Variants in LRRTM4 observed in about 807,000 individuals in gnomAD.
The protein encoded by LRRTM4 is leucine-rich repeat transmembrane neuronal protein 4.
A neutral mutation model predicts 47.6 loss-of-function variants in LRRTM4; 25 were observed. The ratio of observed to expected loss-of-function variants is 0.53; its 90% CI spans 0.38 to 0.73. LRRTM4 has a LOEUF of 0.73. Ranked by LOEUF, LRRTM4 falls within the 30% of genes least tolerant of loss-of-function variation. The probability of loss-of-function intolerance (pLI) is 0.00; values close to 1 mark genes in which losing one functional copy is unlikely to be tolerated. For synonymous variants in LRRTM4, 311 were observed against 269.5 expected (o/e 1.15, Z -1.51); for missense variants, 638 against 713.4 (o/e 0.89, Z 1.20).
At chr2:77,437,341 T>A (rs1292445604) in intron 3 of LRRTM4, among the ~76,000 whole-genome samples, 1 of 152,050 alleles carries the variant, frequency 6.6e-6, no homozygotes, top group Non-Finnish European at 1.5e-5. Context: ...TATACAGAGA[T>A]TCAACCCTCT....
At chr2:76,783,735 A>T (rs1198809820) in intron 3 of LRRTM4, among the ~76,000 whole-genome samples, 3 of 152,196 alleles carry the variant, frequency 2.0e-5, no homozygotes, top group African/African-American at 7.2e-5. Context: ...TATTTCCCGT[A>T]CAAACCTTTT....
chr2:77,296,607 T>G (rs187661297), intron 3 of LRRTM4, among the ~76,000 whole-genome samples: 1 of 152,340 alleles, frequency 6.6e-6, no homozygotes, highest in Non-Finnish European at 1.5e-5. Flanking sequence ...AAGGCATACA[T>G]TTATTTGGGA....
At chr2:77,128,565 A>T (rs936709045) in intron 3 of LRRTM4, among the ~76,000 whole-genome samples, 1 of 152,158 alleles carries the variant, frequency 6.6e-6, no homozygotes, top group Non-Finnish European at 1.5e-5. Flanking sequence ...AAACTATACA[A>T]AATCTTTCCA....
At position 77,352,181 on chromosome 2, in the gene LRRTM4, C is replaced by G. The variant is rs145977344; in HGVS notation, c.1551+166137G>C. 2.4e-3 allele frequency among the ~76,000 whole-genome samples: 372 copies of G among 152,178 alleles called. 2 individuals carry two copies. Among genetic ancestry groups the G allele is most frequent in the Non-Finnish European group, 2.7e-3 (185 of 67,976 alleles). ...GCTGTTCTCGCCTTTTGATGCCGAG[C>G]CTAACCTTCCATTTTATTGAATAAG... is the stretch of plus-strand genomic sequence containing the variant. On this transcript the variant is annotated intron_variant, in intron 3 of 3. Transcript: ENST00000409884.
intron 3 of LRRTM4, among the ~76,000 whole-genome samples, chr2:77,214,654 A>C (rs1674387128): frequency 6.6e-6 from 1 of 152,094 alleles, no homozygotes; most frequent in Non-Finnish European, 1.5e-5. Flanking sequence ...CTTAAGTACA[A>C]TAGGAAGAAG....
At chr2:77,268,509 A>C (rs1676111216) in intron 3 of LRRTM4, among the ~76,000 whole-genome samples, 1 of 152,088 alleles carries the variant, frequency 6.6e-6, no homozygotes, top group Non-Finnish European at 1.5e-5. Flanking sequence ...GAAGTCTTCT[A>C]ACTGCTTTTC....
chr2:76,911,724 T>A (rs1370613280), intron 3 of LRRTM4, among the ~76,000 whole-genome samples: 1 of 149,398 alleles, frequency 6.7e-6, no homozygotes, highest in African/African-American at 2.6e-5. Flanking sequence ...GGTAGAAATG[T>A]CAGTAGAAAT....
At chr2:77,406,156 G>A (rs1446313444) in intron 3 of LRRTM4, among the ~76,000 whole-genome samples, 1 of 151,992 alleles carries the variant, frequency 6.6e-6, no homozygotes, top group East Asian at 1.9e-4. Flanking sequence ...GGGGAGGAGA[G>A]TGGCAGATGA....
At chr2:77,462,956 AAAG>A (rs528746536) in intron 3 of LRRTM4, among the ~76,000 whole-genome samples, 92 of 152,090 alleles carry the variant, frequency 6.0e-4, no homozygotes, top group Non-Finnish European at 1.1e-3. Context: ...AGAAATGACT[AAAG>A]AGCCAGGGAG....
intron 3 of LRRTM4, among the ~76,000 whole-genome samples, chr2:76,804,078 C>T (rs774886783): frequency 6.6e-6 from 1 of 152,076 alleles, no homozygotes; most frequent in Non-Finnish European, 1.5e-5. Flanking sequence ...AAAGTTACTC[C>T]GAGTGCTGTT....
chr2:77,010,281 C>T (rs1677820019), intron 3 of LRRTM4, among the ~76,000 whole-genome samples: 1 of 151,558 alleles, frequency 6.6e-6, no homozygotes, highest in African/African-American at 2.4e-5. Context: ...GATTAATATC[C>T]TCCCATTCCT....
intron 3 of LRRTM4, among the ~76,000 whole-genome samples, chr2:76,943,919 T>G (rs987208420): frequency 6.6e-6 from 1 of 152,192 alleles, no homozygotes; most frequent in Non-Finnish European, 1.5e-5. Flanking sequence ...CTTTTCATAC[T>G]TGGGGCCATT....
At chr2:76,982,414 G>A (rs1238014292) in intron 3 of LRRTM4, among the ~76,000 whole-genome samples, 2 of 152,018 alleles carry the variant, frequency 1.3e-5, no homozygotes, top group Admixed American at 1.3e-4. Flanking sequence ...CTTTGCTCAT[G>A]AAGTAAATGG....
At chr2:76,800,856 C>T (rs924987989) in intron 3 of LRRTM4, among the ~76,000 whole-genome samples, 2 of 150,708 alleles carry the variant, frequency 1.3e-5, no homozygotes, top group African/African-American at 2.4e-5. Flanking sequence ...TGAAAAAATG[C>T]TCATCATCAC....
At chr2:77,188,445 C>T (rs1240460342) in intron 3 of LRRTM4, among the ~76,000 whole-genome samples, 1 of 152,100 alleles carries the variant, frequency 6.6e-6, no homozygotes, top group Non-Finnish European at 1.5e-5. Context: ...ATTGTTTTCC[C>T]TCCTAAATAT....
chr2:77,348,813 ACTC>A (rs1436847618), intron 3 of LRRTM4, among the ~76,000 whole-genome samples: 1 of 151,248 alleles, frequency 6.6e-6, no homozygotes, highest in African/African-American at 2.4e-5. Flanking sequence ...TTCAAGCAGA[ACTC>A]ATTATTACAT....
chr2:77,399,702 A>AT (rs1673864998), intron 3 of LRRTM4, among the ~76,000 whole-genome samples: 1 of 151,936 alleles, frequency 6.6e-6, no homozygotes. Flanking sequence ...ATCAGGAGGA[A>AT]TCAAACACCT....
At chr2:76,868,587 G>C (rs1457976789) in intron 3 of LRRTM4, among the ~76,000 whole-genome samples, 2 of 152,144 alleles carry the variant, frequency 1.3e-5, no homozygotes, top group Non-Finnish European at 2.9e-5. Context: ...AATAAAAAAG[G>C]CTTGTGTAGC....
chr2:77,428,759 T>C (rs1433334697), intron 3 of LRRTM4, among the ~76,000 whole-genome samples: 1 of 152,216 alleles, frequency 6.6e-6, no homozygotes, highest in Non-Finnish European at 1.5e-5. Flanking sequence ...AACTATTGCA[T>C]GTTCTTAAGT....
Sources: allele counts gnomAD v4.1 joint callset (sites outside exome capture counted in the v4.1 genomes callset), GRCh38; gene constraint gnomAD v4.1.1; transcripts MANE v1.5; gene names NCBI Gene and HGNC (gene_info 2026-07-23, HGNC 2026-07-21).